NKAIN2: variants seen among roughly 807,000 people sequenced by gnomAD.
NKAIN2 encodes sodium/potassium-transporting ATPase subunit beta-1-interacting protein 2.
Under a neutral mutation model 32.6 loss-of-function variants are expected in NKAIN2, and 14 were observed. The observed-to-expected ratio is 0.43, with a 90% CI of 0.28 to 0.67. NKAIN2 has a LOEUF of 0.67. Among genes scored for constraint, NKAIN2 ranks in the 30% least tolerant of loss-of-function variants. The probability of loss-of-function intolerance (pLI) is 0.17; values close to 1 mark genes in which losing one functional copy is unlikely to be tolerated. For synonymous variants in NKAIN2, 80 were observed against 87.2 expected, an observed-to-expected ratio of 0.92 and a Z score of 0.46; for missense variants, 198 against 258.3, an observed-to-expected ratio of 0.77 and a Z score of 1.60.
chr6:123,985,160 A>G (rs1208003975), intron 1 of NKAIN2, among the ~76,000 whole-genome samples: 1 of 152,202 alleles, frequency 6.6e-6, no homozygotes, highest in South Asian at 2.1e-4. Flanking sequence ...GCACTTTGGG[A>G]GGCTGAGGAG....
chr6:124,282,244 A>G (rs802497), intron 1 of NKAIN2: 111,289 of 340,432 alleles, frequency 0.33, 24,466 homozygotes, highest in African/African-American at 0.79. Context: ...ACAGATGAAA[A>G]TAGTATAATT....
At chr6:123,934,626 G>A (rs1399107392) in intron 1 of NKAIN2, among the ~76,000 whole-genome samples, 1 of 151,928 alleles carries the variant, frequency 6.6e-6, no homozygotes, top group African/African-American at 2.4e-5. Context: ...TAGGATCTAA[G>A]AGTTATGATA....
In NKAIN2 at chr6:123,975,893, A is replaced by G. The variant is rs1016687357; in HGVS notation, c.54+171639A>G. Among the ~76,000 whole-genome samples, 5 of 152,050 alleles carry G rather than the reference A, an allele frequency of 3.3e-5. No individual in the cohort carries two copies. The South Asian group carries it at 1.0e-3, about 32-fold the overall frequency. On this transcript the variant is annotated intron_variant, in intron 1 of 6. Transcript: ENST00000368417. ...GTATCCCCACCCAAATCTCATCTTG[A>G]ATTGTAGCTCACACAATTCCTACAT...
At chr6:123,839,475 G>C (rs945686781) in intron 1 of NKAIN2, among the ~76,000 whole-genome samples, 2 of 151,892 alleles carry the variant, frequency 1.3e-5, no homozygotes, top group Non-Finnish European at 2.9e-5. Context: ...TTTCTGTTGA[G>C]TTACTCCTAA....
At chr6:124,822,918 A>G (rs1048654033) in intron 6 of NKAIN2, among the ~76,000 whole-genome samples, 1 of 148,896 alleles carries the variant, frequency 6.7e-6, no homozygotes, top group Non-Finnish European at 1.5e-5. Context: ...AATATCCTAT[A>G]ATATATCACA....
At chr6:124,470,179 G>A (rs528713018) in intron 3 of NKAIN2, among the ~76,000 whole-genome samples, 2 of 152,260 alleles carry the variant, frequency 1.3e-5, no homozygotes, top group South Asian at 4.1e-4. Context: ...ACAAGGATGA[G>A]GAACCAAGAC....
Position 124,779,805 on chromosome 6 carries a change from CATAG to C in NKAIN2, c.475-11532_475-11529del, listed in dbSNP as rs145020027. ...GCTACCCAGATGATTCACAGTCAAC[CATAG>C]ACTCATGAGTGAGCCCAACCAAATT... On this transcript the variant is annotated intron_variant, in intron 4 of 6. Coordinates refer to ENST00000368417, the MANE Select transcript of NKAIN2 (RefSeq NM_001040214.3). Among the ~76,000 whole-genome samples the C allele has an allele frequency of 1.7e-3, 260 of 152,264 alleles. 4 individuals carry two copies. The East Asian group carries it at 0.043, about 25-fold the overall frequency.
chr6:124,273,091 T>C (rs1314037299), intron 1 of NKAIN2, among the ~76,000 whole-genome samples: 1 of 152,216 alleles, frequency 6.6e-6, no homozygotes, highest in African/African-American at 2.4e-5. Context: ...AATGCTGGAA[T>C]GAGTTAAGAC....
At chr6:124,248,425 C>T (rs1438957246) in intron 1 of NKAIN2, among the ~76,000 whole-genome samples, 4 of 151,946 alleles carry the variant, frequency 2.6e-5, no homozygotes, top group African/African-American at 9.7e-5. Context: ...CGAACCTTTT[C>T]CCAAATAAAC....
intron 1 of NKAIN2, among the ~76,000 whole-genome samples, chr6:123,861,448 T>A (rs1043841349): frequency 3.9e-5 from 6 of 152,202 alleles, no homozygotes; most frequent in Admixed American, 6.5e-5. Context: ...AATGTGATGA[T>A]GTTTGACTAG....
At chr6:123,883,214 G>A (rs992443702) in intron 1 of NKAIN2, among the ~76,000 whole-genome samples, 3 of 151,928 alleles carry the variant, frequency 2.0e-5, no homozygotes, top group Admixed American at 6.6e-5. Flanking sequence ...GCGTGAACTC[G>A]GCTCACTGCA....
At position 124,658,398 on chromosome 6, in the gene NKAIN2, C is replaced by T; in HGVS notation, c.474+12C>T. 6.2e-7 allele frequency: 1 copy of T among 1,614,088 alleles called. No homozygotes were observed. The highest frequency in any genetic ancestry group is 8.5e-7 in the Non-Finnish European group (1 of 1,180,002). ...AGATTGTCCTCGCAGTAAGTGTTGG[C>T]AGCCAACCGCTCCTTCTAGTGCCTC... On this transcript the variant is annotated intron_variant, in intron 4 of 6. Coordinates refer to ENST00000368417, the MANE Select transcript of NKAIN2 (RefSeq NM_001040214.3).
At chr6:123,842,543 C>T (rs1482113567) in intron 1 of NKAIN2, among the ~76,000 whole-genome samples, 1 of 152,108 alleles carries the variant, frequency 6.6e-6, no homozygotes, top group Non-Finnish European at 1.5e-5. Flanking sequence ...TGAGGAGACA[C>T]AACCATTTAG....
chr6:124,113,854 A>G (rs185431408), intron 1 of NKAIN2, among the ~76,000 whole-genome samples: 1 of 152,256 alleles, frequency 6.6e-6, no homozygotes, highest in East Asian at 1.9e-4. Flanking sequence ...CTGATTTCCC[A>G]CACAGGGAAT....
chr6:124,645,610 A>G (rs1468541529), intron 3 of NKAIN2, among the ~76,000 whole-genome samples: 1 of 152,178 alleles, frequency 6.6e-6, no homozygotes, highest in East Asian at 1.9e-4. Context: ...GCACTGCCCC[A>G]TCATCTTATG....
At chr6:124,757,563 T>C (rs1295093958) in intron 4 of NKAIN2, among the ~76,000 whole-genome samples, 1 of 152,198 alleles carries the variant, frequency 6.6e-6, no homozygotes, top group African/African-American at 2.4e-5. Flanking sequence ...AGTGAAAAGA[T>C]GTTTCATCTA....
chr6:123,954,538 G>A lies in NKAIN2; in HGVS notation c.54+150284G>A, dbSNP rs531214341. Among the ~76,000 whole-genome samples the A allele has an allele frequency of 4.6e-5, 7 of 152,220 alleles. No individual in the cohort carries two copies. The South Asian group carries it at 1.5e-3, about 32-fold the overall frequency. ...TGTCACCTCTGCGTAGGATTCCAGTGTTTTCTCTTAGATGATTGTATTTGA... is the reference window on the plus strand; with the variant it reads ...TGTCACCTCTGCGTAGGATTCCAGTATTTTCTCTTAGATGATTGTATTTGA... On this transcript the variant is annotated intron_variant, in intron 1 of 6. Transcript: ENST00000368417.
intron 3 of NKAIN2, among the ~76,000 whole-genome samples, chr6:124,644,268 G>T (rs1454516355): frequency 6.6e-6 from 1 of 152,036 alleles, no homozygotes; most frequent in Non-Finnish European, 1.5e-5. Flanking sequence ...ATGCTGATGA[G>T]AACATATAAT....
chr6:123,842,374 G>A (rs574516071), intron 1 of NKAIN2, among the ~76,000 whole-genome samples: 148 of 152,242 alleles, frequency 9.7e-4, no homozygotes, highest in African/African-American at 3.6e-3. Context: ...ATGTGGTGGA[G>A]TAAAAGTACT....
Sources: allele counts gnomAD v4.1 joint callset (sites outside exome capture counted in the v4.1 genomes callset), GRCh38; gene constraint gnomAD v4.1.1; transcripts MANE v1.5; gene names NCBI Gene and HGNC (gene_info 2026-07-23, HGNC 2026-07-21).